Variants in MSI2 observed in about 807,000 individuals in gnomAD.
The protein encoded by MSI2 is RNA-binding protein Musashi homolog 2.
MSI2 carries 17 observed loss-of-function variants against 45.6 expected under a neutral mutation model. The observed-to-expected ratio is 0.37, with a 90% confidence interval of 0.26 to 0.56. The LOEUF (loss-of-function observed/expected upper bound fraction) is 0.56. Ranked by LOEUF, MSI2 falls within the 20% of genes least tolerant of loss-of-function variation. MSI2 has a pLI of 0.77. For synonymous variants in MSI2, 156 were observed against 158.2 expected (o/e 0.99, Z 0.11); for missense variants, 293 against 444.2 (o/e 0.66, Z 3.06).
intron 7 of MSI2, among the ~76,000 whole-genome samples, chr17:57,590,846 C>G (rs1904764083): frequency 6.6e-6 from 1 of 152,186 alleles, no homozygotes. Context: ...TCTCCCACCT[C>G]CCCTAGTTGT....
intron 6 of MSI2, among the ~76,000 whole-genome samples, chr17:57,435,271 G>A (rs1332228913): frequency 1.3e-5 from 2 of 152,132 alleles, no homozygotes; most frequent in African/African-American, 4.8e-5. Flanking sequence ...CCGAGAGGGA[G>A]CAGGCAGTGC....
chr17:57,378,415 C>T (rs1757855606), intron 5 of MSI2, among the ~76,000 whole-genome samples: 1 of 152,286 alleles, frequency 6.6e-6, no homozygotes, highest in African/African-American at 2.4e-5. Flanking sequence ...AGGCGAACGC[C>T]ACCACACCCA....
chr17:57,574,359 C>T (rs2087958241), intron 7 of MSI2, among the ~76,000 whole-genome samples: 2 of 152,196 alleles, frequency 1.3e-5, no homozygotes, highest in South Asian at 4.1e-4. Context: ...GGCAGAAAAC[C>T]AGGAGCTAAG....
intron 6 of MSI2, among the ~76,000 whole-genome samples, chr17:57,447,384 G>A (rs1386630818): frequency 4.6e-5 from 7 of 152,330 alleles, no homozygotes; most frequent in Admixed American, 3.3e-4. Context: ...GTTTACAGGC[G>A]CAAGCCACTG....
intron 7 of MSI2, among the ~76,000 whole-genome samples, chr17:57,563,421 T>C (rs1281823808): frequency 6.6e-6 from 1 of 152,140 alleles, no homozygotes; most frequent in African/African-American, 2.4e-5. Context: ...CCCACAGCCC[T>C]GTGAGATAAG....
intron 5 of MSI2, among the ~76,000 whole-genome samples, chr17:57,385,154 T>A (rs1430857373): frequency 6.6e-6 from 1 of 152,196 alleles, no homozygotes; most frequent in East Asian, 1.9e-4. Flanking sequence ...ACCTCTCAGA[T>A]CCATCCTCTA....
intron 6 of MSI2, among the ~76,000 whole-genome samples, chr17:57,485,929 C>G (rs973715419): frequency 3.3e-5 from 5 of 152,206 alleles, no homozygotes; most frequent in African/African-American, 1.2e-4. Context: ...CTCTTGCAGG[C>G]CAAGACTGCC....
rs148649732 is a variant in MSI2 at position 57,285,905 on chromosome 17, A to G, written c.312+23713A>G. 7.4e-5 allele frequency: 114 copies of G among 1,532,460 alleles called. 2 individuals are homozygous for G. The highest frequency in any genetic ancestry group is 6.9e-4 in the South Asian group (57 of 83,152). The allele number at this position is 1,532,460 out of a possible 1,614,324, so 94.9% of individuals were successfully genotyped here. On this transcript the variant is annotated intron_variant, in intron 5 of 13. Transcript: ENST00000284073. ...TTAGATGATGAGGGGTTATATTAAGAAAGTACTAAAGAATACGTCTTATCA... is the reference window on the plus strand; with the variant it reads ...TTAGATGATGAGGGGTTATATTAAGGAAGTACTAAAGAATACGTCTTATCA...
intron 11 of MSI2, among the ~76,000 whole-genome samples, chr17:57,672,648 C>G (rs945109053): frequency 6.6e-6 from 1 of 152,196 alleles, no homozygotes; most frequent in Non-Finnish European, 1.5e-5. Flanking sequence ...TTCCGTCTAC[C>G]ACTGCGCCTC....
intron 11 of MSI2, among the ~76,000 whole-genome samples, chr17:57,669,801 G>A (rs1912647464): frequency 6.6e-6 from 1 of 152,198 alleles, no homozygotes; most frequent in Non-Finnish European, 1.5e-5. Flanking sequence ...CTTGGCAAAG[G>A]TGGGCCCTCC....
At chr17:57,351,710 G>C (rs1234854369) in intron 5 of MSI2, among the ~76,000 whole-genome samples, 2 of 152,182 alleles carry the variant, frequency 1.3e-5, no homozygotes, top group Non-Finnish European at 2.9e-5. Flanking sequence ...ATAAAAATTA[G>C]CTGGGTGTGG....
At chr17:57,622,092 G>A (rs1008556325) in intron 9 of MSI2, among the ~76,000 whole-genome samples, 4 of 152,194 alleles carry the variant, frequency 2.6e-5, no homozygotes, top group Non-Finnish European at 4.4e-5. Context: ...CTAGCTACTC[G>A]GGAGGCTGAG....
chr17:57,363,129 G>T (rs978533370), intron 5 of MSI2, among the ~76,000 whole-genome samples: 7 of 152,178 alleles, frequency 4.6e-5, no homozygotes, highest in Non-Finnish European at 8.8e-5. Flanking sequence ...ATTGATACAC[G>T]AATGGATAAA....
At chr17:57,630,242 C>A (rs1909241135) in intron 10 of MSI2, 1 of 152,192 alleles carries the variant, frequency 6.6e-6, no homozygotes. Flanking sequence ...GTGTTTTTGC[C>A]CAGGGCCCAT....
At chr17:57,349,048 C>T (rs1013395511) in intron 5 of MSI2, among the ~76,000 whole-genome samples, 3 of 152,212 alleles carry the variant, frequency 2.0e-5, no homozygotes, top group Admixed American at 1.3e-4. Flanking sequence ...TTTAGGGGCA[C>T]AGAGAAGCCT....
intron 6 of MSI2, among the ~76,000 whole-genome samples, chr17:57,442,315 G>C (rs923833040): frequency 2.0e-5 from 3 of 152,200 alleles, no homozygotes; most frequent in African/African-American, 4.8e-5. Flanking sequence ...GATTACAGGC[G>C]TGAGCCACTG....
chr17:57,348,726 T>G (rs1809161789), intron 5 of MSI2, among the ~76,000 whole-genome samples: 1 of 152,142 alleles, frequency 6.6e-6, no homozygotes, highest in Non-Finnish European at 1.5e-5. Context: ...AAAACTTCCT[T>G]TCTTTATAAA....
chr17:57,548,378 T>C (rs2087220466), intron 7 of MSI2, among the ~76,000 whole-genome samples: 1 of 152,082 alleles, frequency 6.6e-6, no homozygotes, highest in Non-Finnish European at 1.5e-5. Flanking sequence ...AGTGGGGGCT[T>C]AATTGGGGCG....
At chr17:57,270,640 A>G (rs1567727591) in intron 5 of MSI2, among the ~76,000 whole-genome samples, 2 of 152,216 alleles carry the variant, frequency 1.3e-5, no homozygotes, top group Non-Finnish European at 2.9e-5. Context: ...TACCTGTTAA[A>G]TGGGATAGCA....
Sources: allele counts gnomAD v4.1 joint callset (sites outside exome capture counted in the v4.1 genomes callset), GRCh38; gene constraint gnomAD v4.1.1; transcripts MANE v1.5; gene names NCBI Gene and HGNC (gene_info 2026-07-23, HGNC 2026-07-21).